ATG16L2: variants seen among roughly 807,000 people sequenced by gnomAD.
The protein encoded by ATG16L2 is autophagy related 16 like 2.
Under a neutral mutation model 84.7 loss-of-function variants are expected in ATG16L2, and 77 were observed. The ratio of observed to expected loss-of-function variants is 0.91; its 90% confidence interval spans 0.76 to 1.10. ATG16L2 has a LOEUF of 1.10. Among genes scored for constraint, ATG16L2 ranks in the 50% least tolerant of loss-of-function variants. ATG16L2 has a pLI of 0.00. For missense variants in ATG16L2, 782 were observed against 817.6 expected, an observed-to-expected ratio of 0.96 and a Z score of 0.53; for synonymous variants, 361 against 342.8, an observed-to-expected ratio of 1.05 and a Z score of -0.59.
In ATG16L2 at chr11:72,828,761, C is replaced by A; in HGVS notation, c.1655C>A (p.Thr552Asn). ...GGCTTCAAGTGTGGTTCTGACTGGA[C>A]CAAAGCTGTGTTCAGGTATGTCCGT... Reference protein sequence around the residue: ...ADGFKCGSDWTKAVFSPDRSY... With the variant: ...ADGFKCGSDWNKAVFSPDRSY... The change falls in exon 16 of 18, where the codon ACC becomes AAC. Residue 552 changes from threonine (T) to asparagine (N), a missense_variant. By Grantham distance (65) the Thr-to-Asn change is moderately conservative (BLOSUM62 0). Coordinates refer to ENST00000321297, the MANE Select transcript of ATG16L2 (RefSeq NM_033388.2). The A allele has an allele frequency of 5.6e-6, 9 of 1,614,186 alleles. No individual in the cohort carries two copies. The highest frequency in any genetic ancestry group is 7.6e-6 in the Non-Finnish European group (9 of 1,180,024).
At chr11:72,814,644 C>A in intron 1 of ATG16L2, 81 bp downstream of exon 1, 1 of 1,176,026 alleles carries the variant, frequency 8.5e-7, no homozygotes, top group African/African-American at 1.6e-5. Flanking sequence ...GCTGGCTCCT[C>A]CGCCTGTGAC....
intron 3 of ATG16L2, chr11:72,821,285 A>C (rs770897339): frequency 1.3e-4 from 130 of 1,023,320 alleles, no homozygotes; most frequent in Non-Finnish European, 1.5e-4. Context: ...CGAGGGCCGG[A>C]TGGGCATTTG....
At chr11:72,827,403 A>G in intron 14 of ATG16L2, 110 bp downstream of exon 14, 2 of 902,218 alleles carry the variant, frequency 2.2e-6, no homozygotes, top group East Asian at 2.5e-5. Context: ...CACTTTGGGC[A>G]GGCAAGGCTG....
At chr11:72,821,895 C>CT (rs1286432887) in intron 4 of ATG16L2, 149 bp from the exon 5 acceptor site, 1 of 1,421,548 alleles carries the variant, frequency 7.0e-7, no homozygotes, top group Non-Finnish European at 9.2e-7. Flanking sequence ...CGGCTGGGCT[C>CT]TGAGGGCGAA....
downstream of ATG16L2, among the ~76,000 whole-genome samples, chr11:72,833,019 G>A (rs1565275765): frequency 6.6e-6 from 1 of 152,312 alleles, no homozygotes; most frequent in Admixed American, 6.5e-5. Context: ...CCCAATCTCA[G>A]GCCTTAGTGA....
chr11:72,821,302 TC>T (rs1859977997), intron 3 of ATG16L2: 1 of 1,034,626 alleles, frequency 9.7e-7, no homozygotes, highest in South Asian at 3.6e-5. Context: ...TTTGGCAGCC[TC>T]TGCGCGAGGA....
chr11:72,819,826 A>G (rs1224439102), intron 3 of ATG16L2, among the ~76,000 whole-genome samples: 1 of 151,408 alleles, frequency 6.6e-6, no homozygotes, highest in Non-Finnish European at 1.5e-5. Flanking sequence ...GCTCGCTGCA[A>G]CCTCAGCCTC....
At chr11:72,815,228 T>C (rs1859639605) in intron 1 of ATG16L2, among the ~76,000 whole-genome samples, 1 of 152,154 alleles carries the variant, frequency 6.6e-6, no homozygotes, top group Admixed American at 6.5e-5. Context: ...TGAACAGGTG[T>C]GCCTGTGTGT....
In ATG16L2 at chr11:72,822,567, C is replaced by A; in HGVS notation, c.710+24C>A. 6.2e-7 allele frequency: 1 copy of A among 1,608,094 alleles called. No homozygotes were observed. The highest frequency in any genetic ancestry group is 8.5e-7 in the Non-Finnish European group (1 of 1,177,538). On this transcript the variant is annotated intron_variant, in intron 6 of 17. Coordinates refer to ENST00000321297, the MANE Select transcript of ATG16L2 (RefSeq NM_033388.2). The surrounding 1 kb of genome is among the most constrained non-coding windows in gnomAD (Gnocchi z 4.2). Reference sequence around the variant, plus strand: ...GAGTAAGAGTGGGGATGGGCCGGTCCGACCCTTGCGTTCTGCCTCCCGCCC... The same window carrying A: ...GAGTAAGAGTGGGGATGGGCCGGTCAGACCCTTGCGTTCTGCCTCCCGCCC...
At chr11:72,828,325 G>A (rs375174814) in intron 14 of ATG16L2, 34 bp from the exon 15 acceptor site, 1 of 1,613,044 alleles carries the variant, frequency 6.2e-7, no homozygotes, top group Non-Finnish European at 8.5e-7. Flanking sequence ...TGGCTAGGCT[G>A]TTCCTCATCC....
Position 72,828,344 on chromosome 11 carries a change from G to A in ATG16L2, c.1473-15G>A, listed in dbSNP as rs1295063956. On this transcript the variant is annotated splice_polypyrimidine_tract_variant and intron_variant, in intron 14 of 17. Transcript: ENST00000321297. ...TAGGCTGTTCCTCATCCCTGTCTCT[G>A]TCCTTGTTCCTCAGGGGGCCCCACT... 5.6e-6 allele frequency: 9 copies of A among 1,613,850 alleles called. 1 individual carries two copies. The highest frequency in any genetic ancestry group is 3.3e-5 in the South Asian group (3 of 91,068).
rs1200829123 is a variant in ATG16L2 at position 72,827,242 on chromosome 11, A to G, written c.1421A>G (p.His474Arg). Residue 474 changes from histidine to arginine, a missense_variant, in exon 14 of 18, where the codon CAT becomes CGT. Transcript: ENST00000321297. ...TGTAATGACGTGGTGTGTGGGGACC[A>G]TATCATCATTAGTGGCCACAATGAC... ...SYCNDVVCGD[H>R]IIISGHNDQK... is the part of the protein sequence containing the mutation. 1.2e-6 allele frequency: 2 copies of G among 1,614,068 alleles called. No individual in the cohort carries two copies. Among genetic ancestry groups the G allele is most frequent in the East Asian group, 4.5e-5 (2 of 44,872 alleles).
At chr11:72,823,579 G>A (rs1485676832) in intron 7 of ATG16L2, 1 of 426,808 alleles carries the variant, frequency 2.3e-6, no homozygotes, top group Non-Finnish European at 4.7e-6. Flanking sequence ...CAGGCCTTGG[G>A]GCAGTGAAGA....
intron 5 of ATG16L2, among the ~76,000 whole-genome samples, chr11:72,835,029 A>C (rs1860693933): frequency 6.6e-6 from 1 of 152,196 alleles, no homozygotes. Flanking sequence ...TCAGAGAGGA[A>C]GGGGATCTAG....
At chr11:72,823,907 C>T in intron 7 of ATG16L2, 153 bp from the exon 8 acceptor site, 2 of 861,560 alleles carry the variant, frequency 2.3e-6, no homozygotes, top group Non-Finnish European at 4.0e-6. Context: ...ATCTGGGTCA[C>T]CCTGGTCTCC....
intron 5 of ATG16L2, chr11:72,841,724 T>A: frequency 2.4e-6 from 2 of 848,010 alleles, no homozygotes; most frequent in Non-Finnish European, 3.5e-6. Flanking sequence ...TAGAGGCAAC[T>A]GAGCATTAAA....
In ATG16L2 at chr11:72,828,762, C is replaced by T. The variant is rs1165531024; in HGVS notation, c.1656C>T (p.Thr552=). 1 of 1,614,156 alleles carries T rather than the reference C, an allele frequency of 6.2e-7. No homozygotes were observed. Among genetic ancestry groups the T allele is most frequent in the East Asian group, 2.2e-5 (1 of 44,884 alleles). The change falls in exon 16 of 18, where the codon ACC becomes ACT. Residue 552 remains threonine (T), a synonymous_variant. Coordinates refer to ENST00000321297, the MANE Select transcript of ATG16L2 (RefSeq NM_033388.2). ...ADGFKCGSDW[T]KAVFSPDRSY... ...GCTTCAAGTGTGGTTCTGACTGGAC[C>T]AAAGCTGTGTTCAGGTATGTCCGTG... is the stretch of plus-strand genomic sequence containing the variant.
At position 72,828,510 on chromosome 11, in the gene ATG16L2, T is replaced by TACC. The variant is rs1374600563; in HGVS notation, c.1622+4_1622+6dup. The TACC allele has an allele frequency of 6.2e-7, 1 of 1,614,170 alleles. No homozygotes were observed. The highest frequency in any genetic ancestry group is 8.5e-7 in the Non-Finnish European group (1 of 1,180,038). ...CAGCAACATCCGCCAGGTGTTCAGG[T>TACC]ACCAGCCTCATGCCTGCTGACCCTG... On this transcript the variant is annotated splice_region_variant and intron_variant, in intron 15 of 17. Coordinates refer to ENST00000321297, the MANE Select transcript of ATG16L2 (RefSeq NM_033388.2).
At chr11:72,817,922 G>C (rs1331064445) in intron 3 of ATG16L2, 67 bp downstream of exon 3, 2 of 1,380,406 alleles carry the variant, frequency 1.4e-6, no homozygotes, top group Admixed American at 4.0e-5. Flanking sequence ...CCAGTGACGG[G>C]TACTCCTGTG....
Sources: allele counts gnomAD v4.1 joint callset (sites outside exome capture counted in the v4.1 genomes callset), GRCh38; gene constraint gnomAD v4.1.1; non-coding constraint Gnocchi (gnomAD v3.1); transcripts MANE v1.5; gene names NCBI Gene and HGNC (gene_info 2026-07-23, HGNC 2026-07-21).